Variants in NAV3 observed in about 807,000 individuals in gnomAD.
The protein encoded by NAV3 is neuron navigator 3.
Under a neutral mutation model 244.7 loss-of-function variants are expected in NAV3, and 87 were observed. The ratio of observed to expected loss-of-function variants is 0.36; its 90% CI spans 0.30 to 0.42. The LOEUF (loss-of-function observed/expected upper bound fraction) is 0.42. Ranked by LOEUF, NAV3 falls within the 20% of genes least tolerant of loss-of-function variation. The pLI is 1.00. For missense variants in NAV3, 2,663 were observed against 2,893.3 expected, an observed-to-expected ratio of 0.92 and a Z score of 1.83; for synonymous variants, 1,126 against 1,042.2, an observed-to-expected ratio of 1.08 and a Z score of -1.55.
At chr12:77,647,351 C>G (rs990908788) in intron 2 of NAV3, among the ~76,000 whole-genome samples, 1 of 152,138 alleles carries the variant, frequency 6.6e-6, no homozygotes, top group Admixed American at 6.5e-5. Context: ...CACCAAATTA[C>G]ATTTTATCTT....
intron 2 of NAV3, among the ~76,000 whole-genome samples, chr12:77,589,441 A>G (rs1476320516): frequency 1.3e-5 from 2 of 152,124 alleles, no homozygotes; most frequent in Non-Finnish European, 2.9e-5. Flanking sequence ...CTAAAACTGG[A>G]TAATTTATGA....
rs568153602 is a variant in NAV3 at position 77,715,379 on chromosome 12, C to T, written c.72+143113C>T. On this transcript the variant is annotated intron_variant, in intron 2 of 8. Coordinates refer to the NAV3 transcript ENST00000550042. ...TTTCTATGTCTTTTTTGTATTATAT[C>T]TCTCTTATTTGCATTGCTTTTTCAA... 2.8e-5 allele frequency among the ~76,000 whole-genome samples: 4 copies of T among 142,034 alleles called. No homozygotes were observed. The South Asian group carries it at 8.3e-4, about 30-fold the overall frequency. The allele number at this position is 142,034 out of a possible 152,430, so 93.2% of individuals were successfully genotyped here. A position where few individuals can be genotyped will look rare whatever the true frequency, so the allele number is the denominator to read the frequency against.
At chr12:77,992,178 G>C (rs145120156) in intron 5 of NAV3, among the ~76,000 whole-genome samples, 15 of 152,134 alleles carry the variant, frequency 9.9e-5, no homozygotes, top group Non-Finnish European at 4.4e-5. Context: ...ATAATATCAA[G>C]ACACAAGCCT....
chr12:77,884,917 T>C lies in NAV3; in HGVS notation c.243+53213T>C, dbSNP rs184070139. Among the ~76,000 whole-genome samples the C allele has an allele frequency of 4.3e-4, 66 of 152,246 alleles. 2 individuals carry two copies. In the East Asian group the frequency reaches 0.011, roughly 25 times the overall value. ...AAGATTGACAATTCCAAATTATTAA[T>C]GAATTTCTCCCATTTTCAGAAATAT... On this transcript the variant is annotated intron_variant, in intron 1 of 39. Transcript: ENST00000397909.
intron 1 of NAV3, among the ~76,000 whole-genome samples, chr12:77,859,454 G>A (rs1243495004): frequency 6.6e-6 from 1 of 151,964 alleles, no homozygotes; most frequent in Non-Finnish European, 1.5e-5. Flanking sequence ...TTTTATGACA[G>A]TAATTTTTTA....
intron 1 of NAV3, among the ~76,000 whole-genome samples, chr12:77,937,913 T>C (rs1565938240): frequency 6.6e-6 from 1 of 152,206 alleles, no homozygotes; most frequent in Non-Finnish European, 1.5e-5. Flanking sequence ...TGCTATCTTA[T>C]TTAGTCCTGG....
At chr12:77,824,241 AT>A (rs61710960) in intron 2 of NAV3, among the ~76,000 whole-genome samples, 17,249 of 104,772 alleles carry the variant, frequency 0.16, 763 homozygotes, top group Admixed American at 0.2. Context: ...GCCCAACTAA[AT>A]TTTTTTTTTT....
At chr12:77,998,267 T>G in intron 6 of NAV3, 70 bp from the exon 7 acceptor site, 1 of 1,215,790 alleles carries the variant, frequency 8.2e-7, no homozygotes, top group Non-Finnish European at 1.1e-6. Flanking sequence ...ATTTCTGACT[T>G]TCAGCACCTC....
At chr12:77,979,558 G>C (rs1338769514) in intron 5 of NAV3, among the ~76,000 whole-genome samples, 1 of 151,904 alleles carries the variant, frequency 6.6e-6, no homozygotes, top group Non-Finnish European at 1.5e-5. Context: ...AACTTATCTT[G>C]CTTATGAGAC....
intron 2 of NAV3, among the ~76,000 whole-genome samples, chr12:77,736,921 A>G (rs1230578069): frequency 2.0e-5 from 3 of 152,184 alleles, no homozygotes; most frequent in Non-Finnish European, 2.9e-5. Flanking sequence ...ACGAGAGACA[A>G]TGAGATCAAT....
intron 9 of NAV3, among the ~76,000 whole-genome samples, chr12:78,024,609 T>C (rs1397875351): frequency 1.3e-5 from 2 of 152,150 alleles, no homozygotes; most frequent in African/African-American, 4.8e-5. Flanking sequence ...CTCTTCTCTT[T>C]AATAGCTCCC....
chr12:78,034,161 G>T (rs1220213887), intron 9 of NAV3, among the ~76,000 whole-genome samples: 1 of 152,102 alleles, frequency 6.6e-6, no homozygotes, highest in Non-Finnish European at 1.5e-5. Context: ...ATTCTTTTTT[G>T]CATGGGGGTG....
chr12:77,933,773 C>A (rs1428333457), intron 1 of NAV3, among the ~76,000 whole-genome samples: 1 of 152,198 alleles, frequency 6.6e-6, no homozygotes, highest in Non-Finnish European at 1.5e-5. Flanking sequence ...ATTCACAGAT[C>A]TTTTGGTCAT....
rs534225283 is a variant in NAV3 at position 78,198,753 on chromosome 12, G to C, written c.6518+77G>C. 4.0e-4 allele frequency: 360 copies of C among 896,594 alleles called. 2 individuals carry two copies. Among genetic ancestry groups the C allele is most frequent in the Non-Finnish European group, 4.6e-5 (26 of 568,488 alleles). The allele number at this position is 896,594 out of a possible 1,614,324, so 55.5% of individuals were successfully genotyped here. A position where few individuals can be genotyped will look rare whatever the true frequency, so the allele number is the denominator to read the frequency against. ...GGGGGCAGGGGAGGGGGTTGGCATT[G>C]TTTCTTCCTGTTTGTTTTTGTGGTT... On this transcript the variant is annotated intron_variant, in intron 36 of 39. Coordinates refer to ENST00000397909, the MANE Select transcript of NAV3 (RefSeq NM_001024383.2).
At position 78,050,793 on chromosome 12, in the gene NAV3, T is replaced by A. The variant is rs1001304486; in HGVS notation, c.2162T>A (p.Val721Glu). Residue 721 changes from valine to glutamate, a missense_variant, in exon 11 of 40, where the codon GTG (valine) becomes GAG (glutamate). Transcript: ENST00000397909. ...CTGGAGACAACATTTGACAGCACTG[T>A]GACAACAGAAGTTAATGGAAGGACC... is the stretch of plus-strand genomic sequence containing the variant. ...STLETTFDST[V>E]TTEVNGRTIP... The A allele has an allele frequency of 6.2e-7, 1 of 1,606,350 alleles. No individual in the cohort carries two copies. Among genetic ancestry groups the A allele is most frequent in the African/African-American group, 1.3e-5 (1 of 74,850 alleles).
intron 2 of NAV3, among the ~76,000 whole-genome samples, chr12:77,714,098 T>C (rs1319908972): frequency 6.6e-6 from 1 of 152,212 alleles, no homozygotes; most frequent in South Asian, 2.1e-4. Flanking sequence ...GGGCATGACT[T>C]GTGACTGGAA....
At chr12:78,143,129 A>G (rs1315694857) in intron 20 of NAV3, among the ~76,000 whole-genome samples, 2 of 152,120 alleles carry the variant, frequency 1.3e-5, no homozygotes. Context: ...GTTGATTTGC[A>G]TTTTTGCCTG....
intron 2 of NAV3, among the ~76,000 whole-genome samples, chr12:77,713,406 G>A (rs1157266112): frequency 6.6e-6 from 1 of 152,052 alleles, no homozygotes; most frequent in African/African-American, 2.4e-5. Context: ...TTTATACTGT[G>A]TATTCAGTTT....
At chr12:78,041,564 T>C (rs1880865704) in intron 9 of NAV3, among the ~76,000 whole-genome samples, 1 of 152,198 alleles carries the variant, frequency 6.6e-6, no homozygotes. Flanking sequence ...TTATCCCCCA[T>C]AAATATTTTA....
Sources: gnomAD v4.1 joint callset for allele counts (sites outside exome capture counted in the v4.1 genomes callset) on GRCh38, gnomAD v4.1.1 for gene constraint, MANE v1.5 for transcripts, NCBI Gene and HGNC (gene_info 2026-07-23, HGNC 2026-07-21) for gene names.